Variants in AGAP1 observed in about 807,000 individuals in gnomAD.
The protein encoded by AGAP1 is ArfGAP with GTPase domain, ankyrin repeat and PH domain 1.
A neutral mutation model predicts 105.3 loss-of-function variants in AGAP1; 29 were observed. The ratio of observed to expected loss-of-function variants is 0.28; its 90% CI spans 0.21 to 0.38. The LOEUF is 0.38. Ranked by LOEUF, AGAP1 falls within the 10% of genes least tolerant of loss-of-function variation. AGAP1 has a pLI of 1.00. For synonymous variants in AGAP1, 509 were observed against 485.9 expected, an observed-to-expected ratio of 1.05 and a Z score of -0.63; for missense variants, 998 against 1,165.1, an observed-to-expected ratio of 0.86 and a Z score of 2.09.
intron 1 of AGAP1, among the ~76,000 whole-genome samples, chr2:235,699,493 G>T (rs746553256): frequency 5.3e-5 from 8 of 152,086 alleles, no homozygotes; most frequent in Non-Finnish European, 7.4e-5. Context: ...ATTCTCACGG[G>T]TTAAATGGGA....
rs1455280812 is a variant in AGAP1 at position 235,982,817 on chromosome 2, A to G, written c.1645+14194A>G. On this transcript the variant is annotated intron_variant, in intron 13 of 17. Transcript: ENST00000304032. The surrounding 1 kb of genome is among the most constrained non-coding windows in gnomAD (Gnocchi z 4.9). ...ATTCAAAGATTAATATGTTACTGTC[A>G]TCAGTGACTTGTTACCTTCTGTTTC... Among the ~76,000 whole-genome samples the G allele has an allele frequency of 1.3e-5, 2 of 152,206 alleles. No homozygotes were observed. Among genetic ancestry groups the G allele is most frequent in the African/African-American group, 4.8e-5 (2 of 41,456 alleles).
At chr2:235,547,965 C>T (rs1943681751) in intron 1 of AGAP1, among the ~76,000 whole-genome samples, 1 of 152,220 alleles carries the variant, frequency 6.6e-6, no homozygotes, top group African/African-American at 2.4e-5. Flanking sequence ...GTTTAGCACA[C>T]GGTTCCTGAA....
At chr2:235,950,947 T>C (rs113456396) in intron 12 of AGAP1, among the ~76,000 whole-genome samples, 3,245 of 140,820 alleles carry the variant, frequency 0.023, 137 homozygotes, top group African/African-American at 0.078. Flanking sequence ...TCCAAGACAC[T>C]AGTAAAAATA....
intron 9 of AGAP1, among the ~76,000 whole-genome samples, chr2:235,876,331 C>T (rs2049723852): frequency 2.0e-5 from 3 of 152,180 alleles, no homozygotes; most frequent in Admixed American, 2.0e-4. Flanking sequence ...AAAAATTGTG[C>T]TGACCCTTAG....
intron 1 of AGAP1, among the ~76,000 whole-genome samples, chr2:235,638,500 A>G (rs1451767265): frequency 1.3e-5 from 2 of 152,226 alleles, no homozygotes; most frequent in Admixed American, 1.3e-4. Flanking sequence ...GGAAAATGTT[A>G]TTTCACTTTA....
At position 235,692,796 on chromosome 2, in the gene AGAP1, C is replaced by T. The variant is rs553450155; in HGVS notation, c.164-16383C>T. ...CAGGTCTTGCGGTGGACTTGCTGGT[C>T]GGCTGCTCTGCTGATTCTCGAAGGC... is the stretch of plus-strand genomic sequence containing the variant. On this transcript the variant is annotated intron_variant, in intron 1 of 17. Coordinates refer to ENST00000304032, the MANE Select transcript of AGAP1 (RefSeq NM_001037131.3). The surrounding 1 kb of genome is among the most constrained non-coding windows in gnomAD (Gnocchi z 5.8). Among the ~76,000 whole-genome samples, 65 of 152,314 alleles carry T rather than the reference C, an allele frequency of 4.3e-4. No individual in the cohort carries two copies. Among genetic ancestry groups the T allele is most frequent in the African/African-American group, 1.5e-3 (62 of 41,574 alleles).
Position 235,696,127 on chromosome 2 carries a change from C to T in AGAP1, c.164-13052C>T, listed in dbSNP as rs567934644. On this transcript the variant is annotated intron_variant, in intron 1 of 17. Transcript: ENST00000304032. ...GTGGCGTGATCTCAGCTCACTGCAA[C>T]CTCCGCCTCTCGATTTCAAGCGATT... is the stretch of plus-strand genomic sequence containing the variant. Among the ~76,000 whole-genome samples the T allele has an allele frequency of 3.3e-5, 5 of 152,294 alleles. No individual in the cohort carries two copies. The East Asian group carries it at 9.7e-4, about 29-fold the overall frequency.
chr2:235,511,880 ATGTG>A (rs80171449), intron 1 of AGAP1, among the ~76,000 whole-genome samples: 3 of 150,412 alleles, frequency 2.0e-5, no homozygotes, highest in Non-Finnish European at 3.0e-5. Context: ...GTGTATGTGA[ATGTG>A]TGTGAATGTG....
rs1559357776 is a variant in AGAP1 at position 235,692,249 on chromosome 2, G to T, written c.164-16930G>T. On this transcript the variant is annotated intron_variant, in intron 1 of 17. Coordinates refer to ENST00000304032, the MANE Select transcript of AGAP1 (RefSeq NM_001037131.3). The surrounding 1 kb of genome is among the most constrained non-coding windows in gnomAD (Gnocchi z 5.8). The stretch of plus-strand genomic sequence containing the variant: ...GCCATGTAGATATGCCCGCTGCCTT[G>T]CACCTGTTCCTCTGGCCTCGCCTCT... Among the ~76,000 whole-genome samples the T allele has an allele frequency of 1.3e-5, 2 of 152,076 alleles. No individual in the cohort carries two copies. Among genetic ancestry groups the T allele is most frequent in the African/African-American group, 4.8e-5 (2 of 41,394 alleles).
intron 9 of AGAP1, among the ~76,000 whole-genome samples, chr2:235,834,156 G>A (rs1465639191): frequency 6.6e-6 from 1 of 152,166 alleles, no homozygotes; most frequent in African/African-American, 2.4e-5. Context: ...CGTGATCACC[G>A]TGGTCAGATG....
rs191240928 is a variant in AGAP1 at position 235,864,605 on chromosome 2, G to A, written c.1051-18740G>A. On this transcript the variant is annotated intron_variant, in intron 9 of 17. Coordinates refer to ENST00000304032, the MANE Select transcript of AGAP1 (RefSeq NM_001037131.3). The surrounding 1 kb of genome is among the most constrained non-coding windows in gnomAD (Gnocchi z 5.0). ...GCAGCCATTAAGTGCAGATACTGTC[G>A]TCCCTGGTGTCGTCCCTGAAAATCT... 1.2e-4 allele frequency among the ~76,000 whole-genome samples: 19 copies of A among 152,094 alleles called. No homozygotes were observed. The East Asian group carries it at 3.1e-3, about 25-fold the overall frequency.
intron 1 of AGAP1, among the ~76,000 whole-genome samples, chr2:235,521,935 A>T (rs933620204): frequency 6.6e-6 from 1 of 152,102 alleles, no homozygotes; most frequent in Non-Finnish European, 1.5e-5. Context: ...TCCCATCCAT[A>T]ATAAGTGTGC....
At chr2:236,065,101 C>A (rs1342141081) in intron 16 of AGAP1, among the ~76,000 whole-genome samples, 2 of 152,214 alleles carry the variant, frequency 1.3e-5, no homozygotes, top group African/African-American at 4.8e-5. Flanking sequence ...TACAGACAGA[C>A]AGCAGCTTAT....
At chr2:235,821,941 A>G (rs1434762848) in intron 9 of AGAP1, among the ~76,000 whole-genome samples, 1 of 152,188 alleles carries the variant, frequency 6.6e-6, no homozygotes, top group Admixed American at 6.5e-5. Context: ...TCCTGAATAG[A>G]TAGAAGATCT....
intron 1 of AGAP1, among the ~76,000 whole-genome samples, chr2:235,501,783 C>T (rs1393775456): frequency 6.6e-6 from 1 of 151,782 alleles, no homozygotes; most frequent in Non-Finnish European, 1.5e-5. Context: ...CCCTCCCCGC[C>T]CCCATCCCAA....
At chr2:235,591,882 TC>T (rs1945353433) in intron 1 of AGAP1, among the ~76,000 whole-genome samples, 1 of 116,438 alleles carries the variant, frequency 8.6e-6, no homozygotes, top group African/African-American at 3.2e-5. Context: ...CTCTTGCTCC[TC>T]TCTTGCCATG....
At position 235,908,282 on chromosome 2, in the gene AGAP1, G is replaced by C. The variant is rs997276808; in HGVS notation, c.1156-456G>C. On this transcript the variant is annotated intron_variant, in intron 10 of 17. Coordinates refer to ENST00000304032, the MANE Select transcript of AGAP1 (RefSeq NM_001037131.3). This position sits in a 1 kb window ranked among gnomAD's most constrained non-coding sequence, Gnocchi z 4.4. ...ACCTTTTTACTTCCAGTTTTCACCTGATTTTTCACCAGAGAGCTTCAGTCT... is the reference window on the plus strand; with the variant it reads ...ACCTTTTTACTTCCAGTTTTCACCTCATTTTTCACCAGAGAGCTTCAGTCT... Among the ~76,000 whole-genome samples, 7 of 152,156 alleles carry C rather than the reference G, an allele frequency of 4.6e-5. No homozygotes were observed. Among genetic ancestry groups the C allele is most frequent in the African/African-American group, 1.7e-4 (7 of 41,444 alleles).
chr2:235,928,571 C>T (rs1385941672), intron 11 of AGAP1, among the ~76,000 whole-genome samples: 2 of 152,178 alleles, frequency 1.3e-5, no homozygotes, highest in African/African-American at 4.8e-5. Context: ...AGGTGCAGCC[C>T]ATATGGGTGC....
rs904829242 is a variant in AGAP1 at position 235,866,731 on chromosome 2, A to G, written c.1051-16614A>G. 1.1e-4 allele frequency among the ~76,000 whole-genome samples: 17 copies of G among 152,236 alleles called. No individual in the cohort carries two copies. The highest frequency in any genetic ancestry group is 4.1e-4 in the African/African-American group (17 of 41,464). The stretch of plus-strand genomic sequence containing the variant: ...GCTGGAAGTCTTGGATCAAGGCCTC[A>G]GTGGGATTGGCTTCTCCTGAAGCCT... On this transcript the variant is annotated intron_variant, in intron 9 of 17. Coordinates refer to ENST00000304032, the MANE Select transcript of AGAP1 (RefSeq NM_001037131.3). The surrounding 1 kb of genome is among the most constrained non-coding windows in gnomAD (Gnocchi z 6.1).
Sources: gnomAD v4.1 joint callset for allele counts (sites outside exome capture counted in the v4.1 genomes callset) on GRCh38, gnomAD v4.1.1 for gene constraint, Gnocchi (gnomAD v3.1) non-coding constraint, MANE v1.5 for transcripts, NCBI Gene and HGNC (gene_info 2026-07-23, HGNC 2026-07-21) for gene names.